Variants in ZMYND8 observed in about 807,000 individuals in gnomAD.
The protein encoded by ZMYND8 is zinc finger MYND-type containing 8.
ZMYND8 carries 37 observed loss-of-function variants against 140.8 expected under a neutral mutation model. The ratio of observed to expected loss-of-function variants is 0.26; its 90% CI spans 0.20 to 0.35. The LOEUF is 0.35. Among genes scored for constraint, ZMYND8 ranks in the 10% least tolerant of loss-of-function variants. The pLI, the probability that ZMYND8 is intolerant of heterozygous loss-of-function variation, is 1.00. For synonymous variants in ZMYND8, 592 were observed against 597.1 expected, an observed-to-expected ratio of 0.99 and a Z score of 0.12; for missense variants, 1,068 against 1,570.0, an observed-to-expected ratio of 0.68 and a Z score of 5.40.
chr20:47,290,128 G>A, intron 7 of ZMYND8, 59 bp downstream of exon 7: 1 of 1,493,714 alleles, frequency 6.7e-7, no homozygotes. Flanking sequence ...ATGAAGGACA[G>A]GAATTTGTGC....
At chr20:47,305,966 G>A (rs560047849) in intron 3 of ZMYND8, among the ~76,000 whole-genome samples, 32 of 152,262 alleles carry the variant, frequency 2.1e-4, no homozygotes, top group East Asian at 7.7e-4. Flanking sequence ...ACAAAACGCC[G>A]AGAGCATCTT....
intron 2 of ZMYND8, among the ~76,000 whole-genome samples, chr20:47,313,237 A>AG (rs1371893106): frequency 6.6e-6 from 1 of 151,760 alleles, no homozygotes; most frequent in Non-Finnish European, 1.5e-5. Context: ...AAAAAAAAAA[A>AG]AAATTTAATT....
intron 3 of ZMYND8, among the ~76,000 whole-genome samples, chr20:47,307,461 A>AAAATAAAT (rs1193077184): frequency 1.3e-5 from 2 of 151,950 alleles, no homozygotes; most frequent in Admixed American, 6.6e-5. Context: ...TCCGTCTCAA[A>AAAATAAAT]AAATAAATAA....
chr20:47,239,257 T>C (rs16992455), intron 14 of ZMYND8, 119 bp from the exon 15 acceptor site: 193,065 of 1,335,096 alleles, frequency 0.14, 14,708 homozygotes, highest in Middle Eastern at 0.17. Context: ...GCCGAACCAA[T>C]TCGACGTGCC....
At chr20:47,328,407 T>C (rs982693514) in intron 2 of ZMYND8, among the ~76,000 whole-genome samples, 1 of 152,068 alleles carries the variant, frequency 6.6e-6, no homozygotes, top group Non-Finnish European at 1.5e-5. Flanking sequence ...GGAGATACAC[T>C]GATTTTTATC....
chr20:47,292,577 T>C (rs1360639287), intron 5 of ZMYND8, among the ~76,000 whole-genome samples: 1 of 152,134 alleles, frequency 6.6e-6, no homozygotes, highest in African/African-American at 2.4e-5. Context: ...TCTTCAAAAT[T>C]TCAGAATATA....
intron 18 of ZMYND8, among the ~76,000 whole-genome samples, chr20:47,226,466 TA>T (rs1435256542): frequency 6.6e-6 from 1 of 152,154 alleles, no homozygotes; most frequent in African/African-American, 2.4e-5. Context: ...CAGGGACCAA[TA>T]AAGTATCTTT....
At chr20:47,354,007 T>C (rs1195514658) in intron 1 of ZMYND8, 2 of 152,188 alleles carry the variant, frequency 1.3e-5, no homozygotes, top group African/African-American at 4.8e-5. Context: ...AAGAACCCCA[T>C]TGGGCTGCTC....
rs1311868129 is a variant in ZMYND8, at chr20:47,298,327, T to C, written c.453+402A>G. ...GCAACCAAACGTGGTCTTCTCAGCT[T>C]GGCTACTGCTGATGATTCAATGATG... On this transcript the variant is annotated intron_variant, in intron 4 of 22. Transcript: ENST00000471951. This position sits in a 1 kb window ranked among gnomAD's most constrained non-coding sequence, Gnocchi z 5.0. 4.8e-5 allele frequency: 47 copies of C among 985,428 alleles called. No homozygotes were observed. The highest frequency in any genetic ancestry group is 5.5e-5 in the Non-Finnish European group (46 of 829,932). 61.0% of individuals were successfully genotyped at this position (985,428 alleles called of 1,614,324 possible). A position where few individuals can be genotyped will look rare whatever the true frequency, so the allele number is the denominator to read the frequency against.
At chr20:47,228,838 T>C (rs1016620898) in intron 17 of ZMYND8, among the ~76,000 whole-genome samples, 3 of 152,142 alleles carry the variant, frequency 2.0e-5, no homozygotes, top group East Asian at 1.9e-4. Context: ...CATTTGTCAT[T>C]TCACCTGATA....
At chr20:47,240,613 G>A (rs973839980) in intron 14 of ZMYND8, among the ~76,000 whole-genome samples, 3 of 151,724 alleles carry the variant, frequency 2.0e-5, no homozygotes, top group Non-Finnish European at 4.4e-5. Flanking sequence ...GGAGTGCAGT[G>A]GCACAAACTT....
intron 13 of ZMYND8, among the ~76,000 whole-genome samples, chr20:47,247,201 A>G (rs761212647): frequency 6.6e-6 from 1 of 152,204 alleles, no homozygotes; most frequent in Non-Finnish European, 1.5e-5. Context: ...GAAATTTCAT[A>G]TAGAAATCAA....
At chr20:47,213,125 A>G (rs2035526600) in intron 21 of ZMYND8, among the ~76,000 whole-genome samples, 1 of 152,212 alleles carries the variant, frequency 6.6e-6, no homozygotes. Flanking sequence ...AATTTAAGGC[A>G]ATAACTCATC....
chr20:47,272,886 T>C (rs1219310749), intron 11 of ZMYND8, among the ~76,000 whole-genome samples: 1 of 152,252 alleles, frequency 6.6e-6, no homozygotes, highest in Non-Finnish European at 1.5e-5. Flanking sequence ...TTGGGTGAAC[T>C]ACTGTCTTAT....
intron 11 of ZMYND8, among the ~76,000 whole-genome samples, chr20:47,275,810 T>C (rs1246758102): frequency 2.6e-5 from 4 of 152,062 alleles, no homozygotes; most frequent in Admixed American, 6.5e-5. Context: ...GTTTTTGCCA[T>C]GTTGCCCAGG....
intron 1 of ZMYND8, chr20:47,351,882 AG>A (rs2082812294): frequency 1.0e-6 from 1 of 985,310 alleles, no homozygotes; most frequent in South Asian, 4.7e-5. Context: ...CCTAAATACC[AG>A]AACTAGGAAA....
rs771024245 is a variant in ZMYND8, at chr20:47,238,929, G to A, written c.2494C>T (p.Pro832Ser). The A allele has an allele frequency of 6.2e-7, 1 of 1,614,124 alleles. No homozygotes were observed. Among genetic ancestry groups the A allele is most frequent in the Non-Finnish European group, 8.5e-7 (1 of 1,179,988 alleles). ...TTCCACACGACCCGCTGCACGGCCG[G>A]GGCAGTCTCCTTCGGTAAAAGCGGC... ...QRPLLPKETA[P>S]AVQRVVWNSS... Residue 832 changes from proline (P) to serine (S), a missense_variant, in exon 15 of 23, where the codon CCG (proline) becomes TCG (serine). Transcript: ENST00000471951.
At position 47,276,535 on chromosome 20, in the gene ZMYND8, T is replaced by C; in HGVS notation, c.1259A>G (p.Asn420Ser). The change falls in exon 11 of 23, where the codon AAC (asparagine) becomes AGC (serine). Residue 420 changes from asparagine to serine, a missense_variant. Asn to Ser is a conservative substitution (Grantham distance 46). This residue lies in a region of ZMYND8 where 173 missense variants were observed against 223.3 expected (regional missense o/e 0.77). Transcript: ENST00000471951. ...CTTGGGGGATGCCGTCATGTCAAAG[T>C]TGAGCTTGACCTTCTCCTGCTTGTC... ...KIDKQEKVKL[N>S]FDMTASPKIL... The C allele has an allele frequency of 6.2e-7, 1 of 1,614,002 alleles. No homozygotes were observed. Among genetic ancestry groups the C allele is most frequent in the South Asian group, 1.1e-5 (1 of 91,078 alleles).
chr20:47,247,906 G>A (rs1205667907), intron 13 of ZMYND8, among the ~76,000 whole-genome samples: 5 of 152,160 alleles, frequency 3.3e-5, no homozygotes, highest in Non-Finnish European at 7.3e-5. Context: ...GAACCCAGGA[G>A]TTCAAGGCTA....
Sources: gnomAD v4.1 joint callset for allele counts (sites outside exome capture counted in the v4.1 genomes callset) on GRCh38, gnomAD v4.1.1 for gene constraint, gnomAD v4.1.1 regional missense constraint, Gnocchi (gnomAD v3.1) non-coding constraint, MANE v1.5 for transcripts, NCBI Gene and HGNC (gene_info 2026-07-23, HGNC 2026-07-21) for gene names.